Variants in GHR observed in about 807,000 individuals in gnomAD.
GHR encodes GH receptor.
In GHR, 35 loss-of-function variants were observed where a neutral mutation model predicts 67.1. That is an observed-to-expected ratio of 0.52 (90% CI 0.40 to 0.69). GHR has a LOEUF of 0.69. Among genes scored for constraint, GHR ranks in the 30% least tolerant of loss-of-function variants. GHR has a pLI of 0.00. For missense variants in GHR, 792 were observed against 764.6 expected, an observed-to-expected ratio of 1.04 and a Z score of -0.42; for synonymous variants, 272 against 269.1, an observed-to-expected ratio of 1.01 and a Z score of -0.10.
intron 6 of GHR, among the ~76,000 whole-genome samples, chr5:42,702,041 A>G (rs1057400330): frequency 6.6e-6 from 1 of 152,142 alleles, no homozygotes; most frequent in African/African-American, 2.4e-5. Context: ...GCATTACCAC[A>G]CATACCTTTT....
intron 2 of GHR, among the ~76,000 whole-genome samples, chr5:42,611,360 A>G (rs1752882476): frequency 6.6e-6 from 1 of 152,158 alleles, no homozygotes; most frequent in Admixed American, 6.6e-5. Context: ...TCCAACCTTA[A>G]TTACCATTGC....
intron 2 of GHR, among the ~76,000 whole-genome samples, chr5:42,576,118 TAA>T (rs1234710494): frequency 4.7e-5 from 4 of 85,016 alleles, no homozygotes; most frequent in African/African-American, 2.2e-4. Flanking sequence ...TAAAATAAAA[TAA>T]AATAAAATAA....
At chr5:42,470,111 AATATT>A (rs1342539153) in intron 1 of GHR, among the ~76,000 whole-genome samples, 1 of 146,508 alleles carries the variant, frequency 6.8e-6, no homozygotes. Flanking sequence ...TCAATAATAA[AATATT>A]ATATTAATAT....
At chr5:42,461,951 A>G (rs1160645523) in intron 1 of GHR, among the ~76,000 whole-genome samples, 1 of 152,188 alleles carries the variant, frequency 6.6e-6, no homozygotes, top group African/African-American at 2.4e-5. Flanking sequence ...AGACCCCTCC[A>G]AGTAACAGAT....
At chr5:42,495,137 G>T (rs910982742) in intron 1 of GHR, among the ~76,000 whole-genome samples, 1 of 152,010 alleles carries the variant, frequency 6.6e-6, no homozygotes, top group South Asian at 2.1e-4. Flanking sequence ...GATATTGCTT[G>T]AAGGTACTTG....
At chr5:42,559,961 C>A (rs571018359) in intron 1 of GHR, among the ~76,000 whole-genome samples, 1 of 152,154 alleles carries the variant, frequency 6.6e-6, no homozygotes, top group South Asian at 2.1e-4. Flanking sequence ...AAAGCTTCAC[C>A]AAGGAGATCA....
At position 42,721,099 on chromosome 5, in the gene GHR, G is replaced by C. The variant is rs1204648161; in HGVS notation, c.*1675G>C. On this transcript the variant is annotated 3_prime_UTR_variant, in exon 10 of 10. Coordinates refer to ENST00000230882, the MANE Select transcript of GHR (RefSeq NM_000163.5). ...ACCACCATGCCAGGCTAATTTTTTT[G>C]TATTTTAGCAGAGACGGGGTTTCAC... 1 of 152,126 alleles carries C rather than the reference G, an allele frequency of 6.6e-6. No homozygotes were observed. Among genetic ancestry groups the C allele is most frequent in the Non-Finnish European group, 1.5e-5 (1 of 68,096 alleles). The allele number at this position is 152,126 out of a possible 1,614,324, so 9.4% of individuals were successfully genotyped here.
At chr5:42,466,890 T>G in intron 1 of GHR, 1 of 1,470,740 alleles carries the variant, frequency 6.8e-7, no homozygotes, top group Non-Finnish European at 9.1e-7. Context: ...TTACTTGTTG[T>G]TCAACAAGAT....
At chr5:42,702,575 T>C (rs1757981817) in intron 6 of GHR, among the ~76,000 whole-genome samples, 1 of 152,140 alleles carries the variant, frequency 6.6e-6, no homozygotes, top group Non-Finnish European at 1.5e-5. Context: ...AATAATATAA[T>C]GGATCACATG....
At chr5:42,476,778 T>A (rs755917489) in intron 1 of GHR, among the ~76,000 whole-genome samples, 8 of 152,212 alleles carry the variant, frequency 5.3e-5, no homozygotes, top group Non-Finnish European at 1.0e-4. Flanking sequence ...TGTTACTACC[T>A]CTAATAGTCT....
At chr5:42,476,610 A>G (rs1329827285) in intron 1 of GHR, among the ~76,000 whole-genome samples, 2 of 152,238 alleles carry the variant, frequency 1.3e-5, no homozygotes, top group African/African-American at 2.4e-5. Flanking sequence ...GACTGAAGAG[A>G]GAAATTGTTG....
At chr5:42,520,513 G>A (rs1258573034) in intron 1 of GHR, among the ~76,000 whole-genome samples, 2 of 152,130 alleles carry the variant, frequency 1.3e-5, no homozygotes, top group Admixed American at 1.3e-4. Context: ...GCCTTGAGAA[G>A]CTGGCCAAAT....
At chr5:42,531,642 T>C (rs1747974524) in intron 1 of GHR, among the ~76,000 whole-genome samples, 1 of 152,222 alleles carries the variant, frequency 6.6e-6, no homozygotes, top group Admixed American at 6.5e-5. Flanking sequence ...CACCTTTTGC[T>C]GCCTTTTATG....
chr5:42,468,449 T>C, intron 1 of GHR: 1 of 897,404 alleles, frequency 1.1e-6, no homozygotes, highest in Non-Finnish European at 1.7e-6. Context: ...GAGTATTGCC[T>C]ACGTGCGCAG....
intron 1 of GHR, among the ~76,000 whole-genome samples, chr5:42,564,992 C>T (rs553362297): frequency 1.1e-4 from 16 of 152,304 alleles, no homozygotes; most frequent in African/African-American, 3.8e-4. Context: ...CTCAGAAGAT[C>T]CGGGATGTGG....
chr5:42,571,730 TC>T (rs1435455767), intron 2 of GHR, among the ~76,000 whole-genome samples: 1 of 152,220 alleles, frequency 6.6e-6, no homozygotes, highest in East Asian at 1.9e-4. Flanking sequence ...TTTCTGGTCT[TC>T]CGCCTTAGAT....
chr5:42,715,906 C>G (rs79557634), intron 8 of GHR, among the ~76,000 whole-genome samples: 1 of 152,182 alleles, frequency 6.6e-6, no homozygotes, highest in Non-Finnish European at 1.5e-5. Context: ...CTCCTAATGA[C>G]TTTGCAACTG....
chr5:42,696,318 T>G (rs1393512665), intron 5 of GHR, among the ~76,000 whole-genome samples: 1 of 152,124 alleles, frequency 6.6e-6, no homozygotes, highest in Admixed American at 6.6e-5. Context: ...GGTGTTAGCC[T>G]GGAAATACGT....
In GHR at chr5:42,565,706, G is replaced by A. The variant is rs139137947; in HGVS notation, c.-11-158G>A. On this transcript the variant is annotated intron_variant, in intron 1 of 9. Transcript: ENST00000230882. ...TGCTGTTTGAGTTCATGAAAAGTAGGACAATATGAGACTCTGGGGCAGTGA... is the reference window on the plus strand; with the variant it reads ...TGCTGTTTGAGTTCATGAAAAGTAGAACAATATGAGACTCTGGGGCAGTGA... 28 of 1,517,292 alleles carry A rather than the reference G, an allele frequency of 1.8e-5. 1 individual carries two copies. The East Asian group carries it at 6.7e-4, about 36-fold the overall frequency. 94.0% of individuals were successfully genotyped at this position (1,517,292 alleles called of 1,614,324 possible). A position where few individuals can be genotyped will look rare whatever the true frequency, so the allele number is the denominator to read the frequency against.
Sources: gnomAD v4.1 joint callset for allele counts (sites outside exome capture counted in the v4.1 genomes callset) on GRCh38, gnomAD v4.1.1 for gene constraint, MANE v1.5 for transcripts, NCBI Gene and HGNC (gene_info 2026-07-23, HGNC 2026-07-21) for gene names.